The following SLC18A2 variants were observed in gnomAD, a reference collection of about 807,000 sequenced individuals.
SLC18A2 encodes synaptic vesicular amine transporter.
Under a neutral mutation model 59.2 loss-of-function variants are expected in SLC18A2, and 33 were observed. That is an observed-to-expected ratio of 0.56 (90% CI 0.42 to 0.75). The LOEUF is 0.75. Ranked by LOEUF, SLC18A2 falls within the 30% of genes least tolerant of loss-of-function variation. The pLI is 0.00. For missense variants in SLC18A2, 569 were observed against 668.6 expected (o/e 0.85, Z 1.64); for synonymous variants, 228 against 253.5 (o/e 0.90, Z 0.95).
intron 15 of SLC18A2, 22 bp from the exon 16 acceptor site, chr10:117,277,140 C>G (rs1008830790): frequency 1.5e-6 from 2 of 1,293,086 alleles, no homozygotes; most frequent in Non-Finnish European, 2.2e-6. Context: ...AGTTAATATA[C>G]TTGCACTTTG....
intron 10 of SLC18A2, 21 bp downstream of exon 10, chr10:117,257,913 T>C: frequency 6.4e-7 from 1 of 1,555,230 alleles, no homozygotes; most frequent in Non-Finnish European, 8.8e-7. Flanking sequence ...GGGTGGGCTC[T>C]TCTGATTCAA....
rs1844350587 is a variant in SLC18A2, at chr10:117,266,532, T to C, written c.992-201T>C. On this transcript the variant is annotated intron_variant, in intron 10 of 15. Coordinates refer to ENST00000644641, the MANE Select transcript of SLC18A2 (RefSeq NM_003054.6). The stretch of plus-strand genomic sequence containing the variant: ...AGAGAAAGGACTTTCATTTCTGGAG[T>C]GTCTCAGCAGCTTTGTGTGGAGGAT... 2.0e-5 allele frequency among the ~76,000 whole-genome samples: 3 copies of C among 152,102 alleles called. No homozygotes were observed. In the South Asian group the frequency reaches 6.2e-4, roughly 32 times the overall value.
chr10:117,250,690 G>T (rs1042483129), intron 3 of SLC18A2, among the ~76,000 whole-genome samples: 2 of 152,136 alleles, frequency 1.3e-5, no homozygotes. Flanking sequence ...CTTGAATTTG[G>T]GGCAAGTAAT....
At position 117,273,275 on chromosome 10, in the gene SLC18A2, G is replaced by A. The variant is rs1844447270; in HGVS notation, c.1440+2812G>A. Among the ~76,000 whole-genome samples the A allele has an allele frequency of 2.6e-5, 4 of 152,126 alleles. 1 individual carries two copies. The South Asian group carries it at 8.3e-4, about 32-fold the overall frequency. ...TACTCAAGTCCCTCTGCACATACAG[G>A]AAATATCAACATTACCATTTGAGGA... On this transcript the variant is annotated intron_variant, in intron 15 of 15. Coordinates refer to ENST00000644641, the MANE Select transcript of SLC18A2 (RefSeq NM_003054.6).
At chr10:117,254,525 T>C (rs1844203948) in intron 6 of SLC18A2, 28 bp downstream of exon 6, 2 of 1,527,420 alleles carry the variant, frequency 1.3e-6, no homozygotes, top group Non-Finnish European at 8.9e-7. Context: ...GTAGGCAAAC[T>C]GGCAAGAGGG....
chr10:117,260,717 TG>T (rs1446290953), intron 10 of SLC18A2, among the ~76,000 whole-genome samples: 1 of 152,224 alleles, frequency 6.6e-6, no homozygotes, highest in Non-Finnish European at 1.5e-5. Context: ...ATTGGGCATT[TG>T]GGCTCATTTT....
intron 12 of SLC18A2, 37 bp downstream of exon 12, chr10:117,267,072 C>T: frequency 1.3e-6 from 2 of 1,527,798 alleles, no homozygotes; most frequent in South Asian, 2.3e-5. Flanking sequence ...TGGGAACAAT[C>T]TGTGAATAAA....
At chr10:117,247,011 C>T (rs363394) in intron 3 of SLC18A2, among the ~76,000 whole-genome samples, 2,731 of 152,258 alleles carry the variant, frequency 0.018, 85 homozygotes, top group African/African-American at 0.062. Flanking sequence ...AATTTCCAAG[C>T]CCAGTAGATA....
At position 117,244,140 on chromosome 10, in the gene SLC18A2, A is replaced by T. The variant is rs1430359892; in HGVS notation, c.291A>T (p.Thr97=). Residue 97 remains threonine, a synonymous_variant, in exon 3 of 16, where the codon ACA becomes ACT. Coordinates refer to ENST00000644641, the MANE Select transcript of SLC18A2 (RefSeq NM_003054.6). ...CCGGGAATGCTACCAGAGACCTGAC[A>T]CTTCATCAGACCGCCACACAGCACA... is the stretch of plus-strand genomic sequence containing the variant. The part of the protein sequence containing the change: ...MVTGNATRDL[T]LHQTATQHMV... The T allele has an allele frequency of 6.2e-7, 1 of 1,614,032 alleles. No homozygotes were observed. Among genetic ancestry groups the T allele is most frequent in the Non-Finnish European group, 8.5e-7 (1 of 1,180,038 alleles).
Position 117,241,865 on chromosome 10 carries a change from T to C in SLC18A2, c.121+51T>C, listed in dbSNP as rs541995680. 3.9e-5 allele frequency: 60 copies of C among 1,522,582 alleles called. No individual in the cohort carries two copies. The African/African-American group carries it at 8.2e-4, about 21-fold the overall frequency. The allele number at this position is 1,522,582 out of a possible 1,614,324, so 94.3% of individuals were successfully genotyped here. A position where few individuals can be genotyped will look rare whatever the true frequency, so the allele number is the denominator to read the frequency against. ...CCCGGCACCCCAGCCCCAGCGCCCCTTCCCCGGCACTCCACTTACCCCTGC... is the reference window on the plus strand; with the variant it reads ...CCCGGCACCCCAGCCCCAGCGCCCCCTCCCCGGCACTCCACTTACCCCTGC... On this transcript the variant is annotated intron_variant, in intron 2 of 15. Transcript: ENST00000644641.
In SLC18A2 at chr10:117,254,100, G is replaced by A. The variant is rs1565003774; in HGVS notation, c.576G>A (p.Gln192=). Residue 192 remains glutamine, a synonymous_variant, in exon 5 of 16, where the codon CAG becomes CAA. Transcript: ENST00000644641. ...YAFLLIARSL[Q]GIGSSCSSVA... ...TCCTGCTGATTGCCAGGTCGCTGCA[G>A]GGCATCGGCTCGTCCTGCTCCTCTG... 6 of 1,613,800 alleles carry A rather than the reference G, an allele frequency of 3.7e-6. No individual in the cohort carries two copies. Among genetic ancestry groups the A allele is most frequent in the Non-Finnish European group, 5.1e-6 (6 of 1,180,052 alleles).
At chr10:117,254,303 T>G (rs1844201075) in intron 5 of SLC18A2, 102 bp from the exon 6 acceptor site, 1 of 1,221,348 alleles carries the variant, frequency 8.2e-7, no homozygotes, top group South Asian at 1.4e-5. Flanking sequence ...TCTGACAGGT[T>G]TGGGAAGATC....
intron 15 of SLC18A2, among the ~76,000 whole-genome samples, 170 bp downstream of exon 15, chr10:117,270,633 A>C (rs1844414745): frequency 6.6e-6 from 1 of 152,210 alleles, no homozygotes; most frequent in African/African-American, 2.4e-5. Flanking sequence ...TTACTGTGAA[A>C]GTTATTTCTT....
chr10:117,247,439 C>A (rs1284312542), intron 3 of SLC18A2, among the ~76,000 whole-genome samples: 1 of 152,162 alleles, frequency 6.6e-6, no homozygotes, highest in African/African-American at 2.4e-5. Flanking sequence ...GCCACATGTT[C>A]CGACTGTCCC....
At position 117,277,330 on chromosome 10, in the gene SLC18A2, C is replaced by A; in HGVS notation, c.*64C>A. The A allele has an allele frequency of 1.0e-6, 1 of 1,003,638 alleles. No individual in the cohort carries two copies. Among genetic ancestry groups the A allele is most frequent in the Non-Finnish European group, 1.5e-6 (1 of 654,822 alleles). 62.2% of individuals were successfully genotyped at this position (1,003,638 alleles called of 1,614,324 possible). ...TAAAACAGTGTTTCCAGTGACACAACTCATCCAGAACTGTCTTAGTCATAC... is the reference window on the plus strand; with the variant it reads ...TAAAACAGTGTTTCCAGTGACACAAATCATCCAGAACTGTCTTAGTCATAC... On this transcript the variant is annotated 3_prime_UTR_variant, in exon 16 of 16. Coordinates refer to ENST00000644641, the MANE Select transcript of SLC18A2 (RefSeq NM_003054.6).
chr10:117,272,012 G>C (rs1464143275), intron 15 of SLC18A2, among the ~76,000 whole-genome samples: 1 of 152,172 alleles, frequency 6.6e-6, no homozygotes, highest in African/African-American at 2.4e-5. Context: ...AGACTCCTGG[G>C]AGATAGTTAG....
At position 117,277,171 on chromosome 10, in the gene SLC18A2, A is replaced by T; in HGVS notation, c.1450A>T (p.Met484Leu). 6.3e-7 allele frequency: 1 copy of T among 1,591,470 alleles called. No individual in the cohort carries two copies. Among genetic ancestry groups the T allele is most frequent in the Non-Finnish European group, 8.6e-7 (1 of 1,160,900 alleles). The change falls in exon 16 of 16, where the codon ATG (methionine) becomes TTG (leucine). Residue 484 changes from methionine to leucine, a missense_variant. Physicochemically the swap from Met to Leu is conservative, Grantham distance 15. This residue lies in a region of SLC18A2 where 192 missense variants were observed against 278.8 expected (regional missense o/e 0.69). Coordinates refer to ENST00000644641, the MANE Select transcript of SLC18A2 (RefSeq NM_003054.6). ...PAKEEKMAIL[M>L]DHNCPIKTKM... The stretch of plus-strand genomic sequence containing the variant: ...CTTTGCTCTCTTTTAGGCTATTCTC[A>T]TGGATCACAACTGCCCTATTAAAAC...
In SLC18A2 at chr10:117,279,272, TG is replaced by T. The variant is rs1219288948; in HGVS notation, c.*2007del. 1.3e-5 allele frequency: 2 copies of T among 152,238 alleles called. No individual in the cohort carries two copies. The highest frequency in any genetic ancestry group is 3.8e-4 in the East Asian group (2 of 5,202). The allele number at this position is 152,238 out of a possible 1,614,324, so 9.4% of individuals were successfully genotyped here. A position where few individuals can be genotyped will look rare whatever the true frequency, so the allele number is the denominator to read the frequency against. On this transcript the variant is annotated 3_prime_UTR_variant, in exon 16 of 16. Transcript: ENST00000644641. ...CCAGAACAAAGAACATACAGCTCTC[TG>T]AACATTTATTTTTTGAACAGAGGTG...
intron 11 of SLC18A2, 48 bp downstream of exon 11, chr10:117,266,859 C>A: frequency 6.4e-7 from 1 of 1,574,638 alleles, no homozygotes; most frequent in Non-Finnish European, 8.7e-7. Flanking sequence ...TAATGTAGTT[C>A]TTTCAAAAAA....
Sources: allele counts gnomAD v4.1 joint callset (sites outside exome capture counted in the v4.1 genomes callset), GRCh38; gene constraint gnomAD v4.1.1; regional missense constraint gnomAD v4.1.1; transcripts MANE v1.5; gene names NCBI Gene and HGNC (gene_info 2026-07-23, HGNC 2026-07-21).